HDLBP: variants seen among roughly 807,000 people sequenced by gnomAD.
HDLBP encodes vigilin.
Under a neutral mutation model 137.3 loss-of-function variants are expected in HDLBP, and 30 were observed. That is an observed-to-expected ratio of 0.22 (90% CI 0.16 to 0.30). The LOEUF (loss-of-function observed/expected upper bound fraction) is 0.30. Ranked by LOEUF, HDLBP falls within the 10% of genes least tolerant of loss-of-function variation. The pLI is 1.00. For synonymous variants in HDLBP, 606 were observed against 596.0 expected, an observed-to-expected ratio of 1.02 and a Z score of -0.24; for missense variants, 1,119 against 1,667.3, an observed-to-expected ratio of 0.67 and a Z score of 5.73.
At position 241,249,925 on chromosome 2, in the gene HDLBP, C is replaced by T. The variant is rs751253330; in HGVS notation, c.1428G>A (p.Glu476=). ...KVSVRIPPDS[E]KSNLIRIEGD... is the part of the protein sequence containing the mutation. ...CCTCGATGCGGATCAAATTGCTCTT[C>T]TCACTGTCAGGAGGGATGCGCACGG... is the stretch of plus-strand genomic sequence containing the variant. The change falls in exon 12 of 28, where the codon GAG becomes GAA. Residue 476 remains glutamate, a synonymous_variant. Coordinates refer to ENST00000310931, the MANE Select transcript of HDLBP (RefSeq NM_005336.6). The T allele has an allele frequency of 3.7e-6, 6 of 1,614,100 alleles. No homozygotes were observed. The highest frequency in any genetic ancestry group is 4.2e-6 in the Non-Finnish European group (5 of 1,179,954).
In HDLBP at chr2:241,229,653, C is replaced by G. The variant is rs897653883; in HGVS notation, c.3755G>C (p.Ser1252Thr). ...CTTGGGAGCCACCTGAGCCCCAAAG[C>G]TGGGAAATTCCTCAGAGCTGCTCAT... The part of the protein sequence containing the change: ...PDMSSSEEFP[S>T]FGAQVAPKTL... Residue 1252 changes from serine to threonine, a missense_variant, in exon 28 of 28, where the codon AGC becomes ACC. Ser to Thr is a moderately conservative substitution (Grantham distance 58). Around this residue, in one of 4 missense-constraint regions of HDLBP, gnomAD observed 618 missense variants for 816.7 expected, o/e 0.76. Coordinates refer to ENST00000310931, the MANE Select transcript of HDLBP (RefSeq NM_005336.6). The G allele has an allele frequency of 2.5e-6, 4 of 1,614,172 alleles. No individual in the cohort carries two copies. The East Asian group carries it at 6.7e-5, about 27-fold the overall frequency.
Position 241,246,467 on chromosome 2 carries a change from C to T in HDLBP, c.1950+285G>A, listed in dbSNP as rs920451888. ...ATTTTTTTTAAAGGAAAGAAAATAC[C>T]GTAAATACCTTCAGATAAGATTTTC... On this transcript the variant is annotated intron_variant, in intron 16 of 27. Coordinates refer to ENST00000310931, the MANE Select transcript of HDLBP (RefSeq NM_005336.6). 1.6e-4 allele frequency: 57 copies of T among 350,750 alleles called. No homozygotes were observed. The East Asian group carries it at 2.8e-3, about 17-fold the overall frequency. 21.7% of individuals were successfully genotyped at this position (350,750 alleles called of 1,614,324 possible).
In HDLBP at chr2:241,266,816, C is replaced by T; in HGVS notation, c.54G>A (p.Gly18=). ...CACCTTTGATTTGTTGCGGAACCAG[C>T]CCACTTCGGTGTTCAGCAAAACTCT... ...TQESFAEHRS[G]LVPQQIKVAT... The change falls in exon 3 of 28, where the codon GGG becomes GGA. Residue 18 remains glycine, a synonymous_variant. Transcript: ENST00000310931. 6.2e-7 allele frequency: 1 copy of T among 1,612,548 alleles called. No individual in the cohort carries two copies. Among genetic ancestry groups the T allele is most frequent in the African/African-American group, 1.3e-5 (1 of 74,996 alleles).
rs372257425 is a variant in HDLBP at position 241,236,765 on chromosome 2, G to A, written c.2754C>T (p.His918=). The part of the protein sequence containing the change: ...KFPDREENAV[H]STEPVVQENG... ...TCTCCTGGACAACTGGCTCTGTACT[G>A]TGAACTAGAGAGAAAGGGGAAAAGG... The change falls in exon 21 of 28, where the codon CAC becomes CAT. Residue 918 remains histidine, a synonymous_variant. Transcript: ENST00000310931. 1.2e-5 allele frequency: 19 copies of A among 1,613,842 alleles called. No individual in the cohort carries two copies. The highest frequency in any genetic ancestry group is 1.7e-4 in the Middle Eastern group (1 of 6,054).
chr2:241,269,517 G>GT (rs1208430240), intron 1 of HDLBP: 3 of 152,114 alleles, frequency 2.0e-5, no homozygotes, highest in African/African-American at 7.3e-5. Context: ...TTGGTCATGA[G>GT]TTTTTTAAAA....
chr2:241,250,857 G>C (rs1316873507), intron 11 of HDLBP: 1 of 152,060 alleles, frequency 6.6e-6, no homozygotes, highest in Non-Finnish European at 1.5e-5. Context: ...GAAGACAAGA[G>C]TTAGGAACTG....
chr2:241,265,764 C>T (rs753356415), intron 3 of HDLBP, among the ~76,000 whole-genome samples: 3 of 152,190 alleles, frequency 2.0e-5, no homozygotes, highest in African/African-American at 7.2e-5. Flanking sequence ...CAGCTGCATG[C>T]CCATCTACCC....
chr2:241,258,302 G>A (rs576479994), intron 5 of HDLBP, among the ~76,000 whole-genome samples: 34 of 140,700 alleles, frequency 2.4e-4, no homozygotes, highest in South Asian at 6.7e-4. Context: ...AGCCGAGATC[G>A]CGCCACTGCA....
At position 241,298,797 on chromosome 2, in the gene HDLBP, C is replaced by A. The variant is rs143132159; in HGVS notation, c.-103+16773G>T. Among the ~76,000 whole-genome samples, 10 of 152,276 alleles carry A rather than the reference C, an allele frequency of 6.6e-5. No individual in the cohort carries two copies. In the East Asian group the frequency reaches 1.9e-3, roughly 29 times the overall value. On this transcript the variant is annotated intron_variant, in intron 1 of 27. Transcript: ENST00000310931. Reference sequence around the variant, plus strand: ...CCAGCCAGAGGCGCAAAACCTAGATCTAATCAAAAGGAAACACCAAACAAA... The same window carrying A: ...CCAGCCAGAGGCGCAAAACCTAGATATAATCAAAAGGAAACACCAAACAAA...
chr2:241,262,930 CTCAAAAAAGA>C lies in HDLBP; in HGVS notation c.235-14_235-5del, dbSNP rs777778020. 1.2e-5 allele frequency: 20 copies of C among 1,605,766 alleles called. No homozygotes were observed. The highest frequency in any genetic ancestry group is 1.7e-5 in the Non-Finnish European group (20 of 1,172,892). ...CCTCCAGGGGTACATGGAACACCTGCTCAAAAAAGATCAAAAAAGGAAAGGTTAAGAGATT... is the reference window on the plus strand; with the variant it reads ...CCTCCAGGGGTACATGGAACACCTGCTCAAAAAAGGAAAGGTTAAGAGATT... On this transcript the variant is annotated splice_region_variant and splice_polypyrimidine_tract_variant and intron_variant, in intron 4 of 27. Transcript: ENST00000310931.
intron 1 of HDLBP, among the ~76,000 whole-genome samples, chr2:241,307,005 T>C (rs1383147028): frequency 5.2e-5 from 7 of 135,798 alleles, no homozygotes; most frequent in African/African-American, 1.9e-4. Context: ...AAGCCCAAAA[T>C]TGAAGTGAGG....
rs528649470 is a variant in HDLBP at position 241,236,907 on chromosome 2, A to T, written c.2750-138T>A. 5.8e-5 allele frequency: 40 copies of T among 684,302 alleles called. 1 individual carries two copies. In the East Asian group the frequency reaches 1.4e-3, roughly 25 times the overall value. 42.4% of individuals were successfully genotyped at this position (684,302 alleles called of 1,614,324 possible). ...GGGAAAACCACTCCTGTCCTTCAGG[A>T]GGTCTTGGTCTGGTCAGGGAGAGCA... On this transcript the variant is annotated intron_variant, in intron 20 of 27. Transcript: ENST00000310931.
At chr2:241,275,398 G>A (rs549646688) in intron 1 of HDLBP, among the ~76,000 whole-genome samples, 1 of 152,190 alleles carries the variant, frequency 6.6e-6, no homozygotes, top group Non-Finnish European at 1.5e-5. Flanking sequence ...AAAAAAAATC[G>A]AGAGATGGAA....
intron 1 of HDLBP, chr2:241,268,898 C>G (rs2073871629): frequency 6.6e-6 from 1 of 152,244 alleles, no homozygotes; most frequent in African/African-American, 2.4e-5. Context: ...TTCCCGTACC[C>G]CACATAACCG....
intron 1 of HDLBP, among the ~76,000 whole-genome samples, chr2:241,297,771 G>T (rs977805441): frequency 6.6e-6 from 1 of 152,030 alleles, no homozygotes; most frequent in Non-Finnish European, 1.5e-5. Context: ...AGAATAATGA[G>T]GACATATCAG....
At chr2:241,274,423 G>A (rs1210635729) in intron 1 of HDLBP, among the ~76,000 whole-genome samples, 1 of 152,252 alleles carries the variant, frequency 6.6e-6, no homozygotes, top group African/African-American at 2.4e-5. Flanking sequence ...TGTCACTGCT[G>A]TGGTTTGTTG....
chr2:241,310,782 C>T (rs2075735394), intron 1 of HDLBP, among the ~76,000 whole-genome samples: 1 of 152,154 alleles, frequency 6.6e-6, no homozygotes, highest in African/African-American at 2.4e-5. Flanking sequence ...TGAAAACAGT[C>T]TCCAAGGGAC....
At chr2:241,265,228 G>C (rs2073563127) in intron 3 of HDLBP, among the ~76,000 whole-genome samples, 1 of 152,206 alleles carries the variant, frequency 6.6e-6, no homozygotes, top group Non-Finnish European at 1.5e-5. Flanking sequence ...AGACCAGCCT[G>C]ACCAACATGG....
Position 241,228,666 on chromosome 2 carries a change from C to G in HDLBP, c.*935G>C, listed in dbSNP as rs560164417. 51 of 152,818 alleles carry G rather than the reference C, an allele frequency of 3.3e-4. No individual in the cohort carries two copies. The highest frequency in any genetic ancestry group is 1.1e-3 in the African/African-American group (47 of 41,556). 9.5% of individuals were successfully genotyped at this position (152,818 alleles called of 1,614,324 possible). On this transcript the variant is annotated 3_prime_UTR_variant, in exon 28 of 28. Transcript: ENST00000310931. ...GGTGTGTGGGGTGGCACTAACTGCA[C>G]AGAGACCACTCCACGCCGGCTGAGG...
Sources: allele counts gnomAD v4.1 joint callset (sites outside exome capture counted in the v4.1 genomes callset), GRCh38; gene constraint gnomAD v4.1.1; regional missense constraint gnomAD v4.1.1; transcripts MANE v1.5; gene names NCBI Gene and HGNC (gene_info 2026-07-23, HGNC 2026-07-21).